The following TF variants were observed in gnomAD, a reference collection of about 807,000 sequenced individuals.
TF encodes transferrin.
A neutral mutation model predicts 82.4 loss-of-function variants in TF; 55 were observed. That is an observed-to-expected ratio of 0.67 (90% CI 0.54 to 0.84). The LOEUF is 0.84. Ranked by LOEUF, TF falls within the 40% of genes least tolerant of loss-of-function variation. The pLI, the probability that TF is intolerant of heterozygous loss-of-function variation, is 0.00. For missense variants in TF, 737 were observed against 868.4 expected, an observed-to-expected ratio of 0.85 and a Z score of 1.90; for synonymous variants, 332 against 332.6, an observed-to-expected ratio of 1.00 and a Z score of 0.02.
At chr3:133,697,772 T>A in the TF span, among the ~76,000 whole-genome samples, 2 of 152,224 alleles carry the variant, frequency 1.3e-5, no homozygotes, top group Non-Finnish European at 2.9e-5. Flanking sequence ...AATGTAAAGA[T>A]TTAAAACGTA....
At chr3:133,680,868 G>T in the TF span, among the ~76,000 whole-genome samples, 2 of 152,118 alleles carry the variant, frequency 1.3e-5, no homozygotes, top group Non-Finnish European at 2.9e-5. Context: ...CTGAACTCCA[G>T]TTATTTAATT....
intron 2 of TF, 43 bp from the exon 3 acceptor site, chr3:133,753,552 T>G (rs1218572449): frequency 7.6e-6 from 12 of 1,577,822 alleles, no homozygotes; most frequent in Non-Finnish European, 1.0e-5. Context: ...GGGCCTTCCT[T>G]GGAAGTCAAG....
At chr3:133,710,022 C>T in the TF span, 1 of 152,284 alleles carries the variant, frequency 6.6e-6, no homozygotes, top group Non-Finnish European at 1.5e-5. Flanking sequence ...AAATGGCTGC[C>T]TTCTTAATTG....
chr3:133,678,383 G>T, the TF span, among the ~76,000 whole-genome samples: 1 of 152,270 alleles, frequency 6.6e-6, no homozygotes, highest in African/African-American at 2.4e-5. Flanking sequence ...CCCAGTAATG[G>T]GATTGCTGAG....
chr3:133,741,630 A>G (rs1012441739), upstream of TF, among the ~76,000 whole-genome samples: 2 of 152,192 alleles, frequency 1.3e-5, no homozygotes, highest in Non-Finnish European at 2.9e-5. Flanking sequence ...TTTGTTATGA[A>G]TGGATATTGA....
chr3:133,684,388 C>A, the TF span, among the ~76,000 whole-genome samples: 1 of 151,998 alleles, frequency 6.6e-6, no homozygotes, highest in Admixed American at 6.6e-5. Context: ...CACAAAAAAA[C>A]CCTTCAAAAA....
the TF span, among the ~76,000 whole-genome samples, chr3:133,665,467 CAAAAAAA>C: frequency 1.3e-4 from 16 of 123,928 alleles, no homozygotes; most frequent in African/African-American, 6.4e-5. Flanking sequence ...GACCCTATCT[CAAAAAAA>C]AAAAAAAGAA....
chr3:133,679,854 G>A, the TF span, among the ~76,000 whole-genome samples: 1 of 152,152 alleles, frequency 6.6e-6, no homozygotes. Context: ...ATACTGGTAA[G>A]TGTATGTTCA....
At chr3:133,754,780 TG>T in intron 4 of TF, 109 bp downstream of exon 4, 2 of 1,255,026 alleles carry the variant, frequency 1.6e-6, no homozygotes, top group Non-Finnish European at 2.3e-6. Flanking sequence ...TGAACTCAGG[TG>T]GGGGAAAGAG....
At chr3:133,727,931 C>T in the TF span, among the ~76,000 whole-genome samples, 3 of 151,950 alleles carry the variant, frequency 2.0e-5, no homozygotes, top group Non-Finnish European at 4.4e-5. Flanking sequence ...TTTGGCTGGA[C>T]ATGAAATTCT....
the TF span, among the ~76,000 whole-genome samples, chr3:133,683,902 C>A: frequency 2.0e-5 from 3 of 152,184 alleles, no homozygotes; most frequent in Non-Finnish European, 2.9e-5. Context: ...AATATACATT[C>A]TTCTCAGCAC....
the TF span, among the ~76,000 whole-genome samples, chr3:133,729,163 G>T: frequency 6.6e-6 from 1 of 152,194 alleles, no homozygotes; most frequent in Admixed American, 6.5e-5. Context: ...GCTGCGTGCT[G>T]GGAGAACCAC....
chr3:133,724,834 A>G, the TF span, among the ~76,000 whole-genome samples: 1 of 152,198 alleles, frequency 6.6e-6, no homozygotes, highest in African/African-American at 2.4e-5. Flanking sequence ...ATCTTTGTAT[A>G]AGGTGTAAGG....
intron 9 of TF, chr3:133,761,982 ATCGG>A (rs200300111): frequency 2.9e-3 from 466 of 161,756 alleles, no homozygotes; most frequent in Non-Finnish European, 4.8e-3. Flanking sequence ...TAGAATTCTT[ATCGG>A]TGGCTAAAAT....
At chr3:133,742,908 G>C (rs1933419159), upstream of TF, among the ~76,000 whole-genome samples, 1 of 152,206 alleles carries the variant, frequency 6.6e-6, no homozygotes, top group Admixed American at 6.5e-5. Context: ...GTTGAAATTT[G>C]AGAGTTTTGC....
upstream of TF, among the ~76,000 whole-genome samples, chr3:133,743,576 A>G (rs971962026): frequency 6.6e-6 from 1 of 152,070 alleles, no homozygotes; most frequent in African/African-American, 2.4e-5. Flanking sequence ...CTTGAACAAG[A>G]TATCATCCTC....
chr3:133,764,272 A>G lies in TF; in HGVS notation c.1294A>G (p.Asn432Asp). ...GGTGCCTGTCTTGGCAGAAAACTAC[A>G]ATAGTAAGTGGTGGGGAGCACCTCT... Reference protein sequence around the residue: ...GLVPVLAENYNKSDNCEDTPE... With the variant: ...GLVPVLAENYDKSDNCEDTPE... Residue 432 changes from asparagine to aspartate, a missense_variant, in exon 10 of 17, where the codon AAT (asparagine) becomes GAT (aspartate). Transcript: ENST00000402696. 1.2e-6 allele frequency: 2 copies of G among 1,613,106 alleles called. No homozygotes were observed. The highest frequency in any genetic ancestry group is 8.5e-7 in the Non-Finnish European group (1 of 1,179,096).
At position 133,764,830 on chromosome 3, in the gene TF, A is replaced by G. The variant is rs567554418; in HGVS notation, c.1298-45A>G. The G allele has an allele frequency of 2.5e-6, 4 of 1,597,196 alleles. No individual in the cohort carries two copies. The South Asian group carries it at 4.5e-5, about 18-fold the overall frequency. Reference sequence around the variant, plus strand: ...AAAAAAAGGCATGGTTTCCCAATCTATAAATCAGGGTTTAATGCCTTTTTC... The same window carrying G: ...AAAAAAAGGCATGGTTTCCCAATCTGTAAATCAGGGTTTAATGCCTTTTTC... On this transcript the variant is annotated intron_variant, in intron 10 of 16. Transcript: ENST00000402696.
In TF at chr3:133,790,089, C is replaced by G. The variant is rs189168738; in HGVS notation, c.*11469C>G. ...TAACATTTCGGTTTACAGAGGTAAT[C>G]TAGATAAACTGTTAAAAGTGAAACA... is the stretch of plus-strand genomic sequence containing the variant. On this transcript the variant is annotated 3_prime_UTR_variant, in exon 17 of 17. Transcript: ENST00000402696. 1 of 152,102 alleles carries G rather than the reference C, an allele frequency of 6.6e-6. No individual in the cohort carries two copies. The highest frequency in any genetic ancestry group is 1.9e-4 in the East Asian group (1 of 5,188). 9.4% of individuals were successfully genotyped at this position (152,102 alleles called of 1,614,324 possible). A position where few individuals can be genotyped will look rare whatever the true frequency, so the allele number is the denominator to read the frequency against.
Sources: allele counts gnomAD v4.1 joint callset (sites outside exome capture counted in the v4.1 genomes callset), GRCh38; gene constraint gnomAD v4.1.1; transcripts MANE v1.5; gene names NCBI Gene and HGNC (gene_info 2026-07-23, HGNC 2026-07-21).